DLG2: variants seen among roughly 807,000 people sequenced by gnomAD.
DLG2 encodes the protein discs large MAGUK scaffold protein 2, also known as disks large homolog 2.
DLG2 carries 45 observed loss-of-function variants against 132.5 expected under a neutral mutation model. The ratio of observed to expected loss-of-function variants is 0.34; its 90% confidence interval spans 0.27 to 0.44. DLG2 has a LOEUF of 0.44. Among genes scored for constraint, DLG2 ranks in the 20% least tolerant of loss-of-function variants. DLG2 has a pLI of 1.00. For missense variants in DLG2, 1,045 were observed against 1,196.9 expected (o/e 0.87, Z 1.87); for synonymous variants, 424 against 419.6 (o/e 1.01, Z -0.13).
chr11:84,186,343 A>G (rs1048721905), intron 8 of DLG2, among the ~76,000 whole-genome samples: 1 of 152,056 alleles, frequency 6.6e-6, no homozygotes, highest in African/African-American at 2.4e-5. Flanking sequence ...CTGAAAATCT[A>G]TTCATTTTTC....
rs537497059 is a variant in DLG2, at chr11:84,371,840, G to A, written c.520-120549C>T. On this transcript the variant is annotated intron_variant, in intron 7 of 27. Coordinates refer to ENST00000376104, the MANE Select transcript of DLG2 (RefSeq NM_001142699.3). The stretch of plus-strand genomic sequence containing the variant: ...TATCTCCTGCATGGTATATAAGGAA[G>A]ATTTATTTCATTTCCTCTCAGCTAG... Among the ~76,000 whole-genome samples the A allele has an allele frequency of 4.6e-5, 7 of 152,240 alleles. No individual in the cohort carries two copies. The South Asian group carries it at 1.5e-3, about 32-fold the overall frequency.
intron 7 of DLG2, among the ~76,000 whole-genome samples, chr11:84,496,765 G>A (rs561439752): frequency 1.7e-4 from 26 of 151,954 alleles, no homozygotes; most frequent in African/African-American, 4.8e-4. Context: ...GTTTCCTCAC[G>A]GTTCACGGTT....
At chr11:84,858,807 T>C (rs769368431) in intron 6 of DLG2, among the ~76,000 whole-genome samples, 6 of 151,920 alleles carry the variant, frequency 3.9e-5, no homozygotes, top group Non-Finnish European at 7.4e-5. Context: ...GGGAAATAGT[T>C]TGTACTTGTT....
chr11:83,751,645 G>A (rs1416630833), intron 18 of DLG2, among the ~76,000 whole-genome samples: 1 of 152,174 alleles, frequency 6.6e-6, no homozygotes, highest in African/African-American at 2.4e-5. Flanking sequence ...ATGTGAAGAT[G>A]AGAGAAAGGG....
At chr11:83,478,991 A>G (rs949653951) in intron 22 of DLG2, among the ~76,000 whole-genome samples, 9 of 152,042 alleles carry the variant, frequency 5.9e-5, no homozygotes, top group African/African-American at 1.7e-4. Context: ...ATAAAAGTAT[A>G]AAGAATGTAA....
intron 6 of DLG2, among the ~76,000 whole-genome samples, chr11:84,847,936 G>A (rs76675508): frequency 0.011 from 1,676 of 152,164 alleles, 41 homozygotes; most frequent in African/African-American, 0.038. Flanking sequence ...GAGGGACAGA[G>A]GCCATCAAAG....
chr11:84,279,558 C>T (rs1232435872), intron 7 of DLG2, among the ~76,000 whole-genome samples: 1 of 152,128 alleles, frequency 6.6e-6, no homozygotes, highest in Admixed American at 6.5e-5. Context: ...AGAACTAATC[C>T]AAATGCCCAT....
chr11:83,472,652 C>A, intron 23 of DLG2, 75 bp downstream of exon 23: 1 of 1,329,228 alleles, frequency 7.5e-7, no homozygotes, highest in South Asian at 1.2e-5. Context: ...CTTAGTCCTT[C>A]ACTCTTTCCC....
At chr11:84,173,734 A>C (rs572422575) in intron 8 of DLG2, among the ~76,000 whole-genome samples, 2 of 152,168 alleles carry the variant, frequency 1.3e-5, no homozygotes, top group East Asian at 3.9e-4. Context: ...AGTTGAACCC[A>C]AAATAATCAA....
chr11:85,461,183 T>C (rs1006537363), intron 3 of DLG2, among the ~76,000 whole-genome samples: 1 of 152,240 alleles, frequency 6.6e-6, no homozygotes, highest in Non-Finnish European at 1.5e-5. Flanking sequence ...TACATATATA[T>C]TAACATCATT....
At chr11:85,200,259 C>A (rs2081366807) in intron 4 of DLG2, among the ~76,000 whole-genome samples, 2 of 152,200 alleles carry the variant, frequency 1.3e-5, no homozygotes, top group South Asian at 4.1e-4. Flanking sequence ...GTCTTTTAGC[C>A]TGCTACCAAA....
chr11:83,592,271 C>T (rs942390626), intron 19 of DLG2, among the ~76,000 whole-genome samples: 1 of 151,208 alleles, frequency 6.6e-6, no homozygotes, highest in African/African-American at 2.4e-5. Context: ...ATCAAAACAG[C>T]ATGGTACTGG....
chr11:84,386,518 T>G (rs917897462), intron 7 of DLG2, among the ~76,000 whole-genome samples: 4 of 152,128 alleles, frequency 2.6e-5, no homozygotes, highest in Admixed American at 2.0e-4. Context: ...AATATTTACT[T>G]CTATAATTTT....
At chr11:84,427,377 G>A (rs1363400279) in intron 7 of DLG2, among the ~76,000 whole-genome samples, 2 of 152,070 alleles carry the variant, frequency 1.3e-5, no homozygotes, top group East Asian at 1.9e-4. Context: ...TAATACATGA[G>A]AGCACTAATA....
intron 6 of DLG2, among the ~76,000 whole-genome samples, chr11:84,574,098 C>A (rs1214293417): frequency 1.3e-5 from 2 of 152,114 alleles, no homozygotes; most frequent in Admixed American, 1.3e-4. Context: ...TCTTTCCATT[C>A]AGCTTTCTTC....
chr11:84,327,935 T>A (rs1314817852), intron 7 of DLG2, among the ~76,000 whole-genome samples: 3 of 152,218 alleles, frequency 2.0e-5, no homozygotes, highest in African/African-American at 7.2e-5. Context: ...TTTATTCAAT[T>A]GTATTGATTT....
intron 7 of DLG2, among the ~76,000 whole-genome samples, chr11:84,426,290 G>A (rs1297290521): frequency 6.6e-6 from 1 of 152,074 alleles, no homozygotes; most frequent in Non-Finnish European, 1.5e-5. Flanking sequence ...CAATATTGGG[G>A]AGATATTGGA....
chr11:85,170,005 A>T (rs554678755), intron 4 of DLG2, among the ~76,000 whole-genome samples: 1 of 152,370 alleles, frequency 6.6e-6, no homozygotes, highest in Non-Finnish European at 1.5e-5. Context: ...AGTTTCCCCA[A>T]GCCACCTAGG....
intron 4 of DLG2, among the ~76,000 whole-genome samples, chr11:85,177,263 T>TA: frequency 7.3e-6 from 1 of 137,070 alleles, no homozygotes; most frequent in East Asian, 2.2e-4. Context: ...GTATATGTAT[T>TA]TATATATATA....
Sources: gnomAD v4.1 joint callset for allele counts (sites outside exome capture counted in the v4.1 genomes callset) on GRCh38, gnomAD v4.1.1 for gene constraint, MANE v1.5 for transcripts, NCBI Gene and HGNC (gene_info 2026-07-23, HGNC 2026-07-21) for gene names.